STAC2: variants seen among roughly 807,000 people sequenced by gnomAD.
The protein encoded by STAC2 is SH3 and cysteine-rich domain-containing protein 2.
STAC2 carries 36 observed loss-of-function variants against 49.0 expected under a neutral mutation model. The ratio of observed to expected loss-of-function variants is 0.74; its 90% CI spans 0.56 to 0.97. The LOEUF is 0.97. Ranked by LOEUF, STAC2 falls within the 50% of genes least tolerant of loss-of-function variation. STAC2 has a pLI of 0.00. For synonymous variants in STAC2, 239 were observed against 214.7 expected (o/e 1.11, Z -0.99); for missense variants, 527 against 543.8 (o/e 0.97, Z 0.31).
chr17:39,212,233 TG>T lies in STAC2; in HGVS notation c.*58del. ...GGACAAGGGGGCCTGATCCCCTCCC[TG>T]GCCAGAAGCAAGGTCCAGGCATGGG... On this transcript the variant is annotated 3_prime_UTR_variant, in exon 11 of 11. Coordinates refer to ENST00000333461, the MANE Select transcript of STAC2 (RefSeq NM_198993.5). 2 of 1,324,916 alleles carry T rather than the reference TG, an allele frequency of 1.5e-6. No individual in the cohort carries two copies. The highest frequency in any genetic ancestry group is 1.3e-5 in the South Asian group (1 of 79,472). The allele number at this position is 1,324,916 out of a possible 1,614,324, so 82.1% of individuals were successfully genotyped here. A position where few individuals can be genotyped will look rare whatever the true frequency, so the allele number is the denominator to read the frequency against.
chr17:39,216,898 G>A lies in STAC2; in HGVS notation c.498C>T (p.Ser166=). ...AACTGAAGTTGCGGCGGAAGGAGGT[G>A]GACTATGGCAAGAGAGGGCAGAGAG... The part of the protein sequence containing the change: ...ISHQQCPGKT[S]TSFRRNFSSP... The change falls in exon 4 of 11, where the codon TCC becomes TCT. Residue 166 remains serine, a splice_region_variant and synonymous_variant. Transcript: ENST00000333461. The A allele has an allele frequency of 6.3e-7, 1 of 1,599,832 alleles. No homozygotes were observed.
At chr17:39,220,335 A>G (rs1444760069) in intron 1 of STAC2, among the ~76,000 whole-genome samples, 1 of 152,328 alleles carries the variant, frequency 6.6e-6, no homozygotes, top group East Asian at 1.9e-4. Context: ...TGTTCTGTCC[A>G]GGGACCTCAG....
chr17:39,220,588 C>G (rs1452055703), intron 1 of STAC2, among the ~76,000 whole-genome samples: 1 of 151,852 alleles, frequency 6.6e-6, no homozygotes, highest in Non-Finnish European at 1.5e-5. Flanking sequence ...GATTCTCCTG[C>G]CTCAGCCTCC....
In STAC2 at chr17:39,216,814, G is replaced by T. The variant is rs1192982818; in HGVS notation, c.582C>A (p.Pro194=). 1.9e-6 allele frequency: 3 copies of T among 1,589,562 alleles called. No individual in the cohort carries two copies. Among genetic ancestry groups the T allele is most frequent in the South Asian group, 2.3e-5 (2 of 87,150 alleles). The change falls in exon 4 of 11, where the codon CCC becomes CCA. Residue 194 remains proline (P), a synonymous_variant. Transcript: ENST00000333461. ...GCGGCCAGGGGGGGCACTCACCAGT[G>T]GGTGGGGACTCTTTGCTTGTGGCAC... ...PVCATSKESP[P]TGDSGKVDPV... is the part of the protein sequence containing the mutation.
intron 4 of STAC2, 45 bp downstream of exon 4, chr17:39,216,765 C>G: frequency 6.6e-7 from 1 of 1,522,176 alleles, no homozygotes; most frequent in Non-Finnish European, 8.9e-7. Flanking sequence ...GATTTCTCAT[C>G]CCACCACAAT....
In STAC2 at chr17:39,225,037, G is replaced by A. The variant is rs1218631530; in HGVS notation, c.90+376C>T. Among the ~76,000 whole-genome samples, 1 of 152,174 alleles carries A rather than the reference G, an allele frequency of 6.6e-6. No homozygotes were observed. Among genetic ancestry groups the A allele is most frequent in the African/African-American group, 2.4e-5 (1 of 41,448 alleles). ...CAGAGACACGAGCGAGGATAGAGGC[G>A]CGGACTGAGCCCGGGACTGGGACCC... On this transcript the variant is annotated intron_variant, in intron 1 of 10. Coordinates refer to ENST00000333461, the MANE Select transcript of STAC2 (RefSeq NM_198993.5). This position sits in a 1 kb window ranked among gnomAD's most constrained non-coding sequence, Gnocchi z 8.2.
chr17:39,212,207 TG>T lies in STAC2; in HGVS notation c.*84del. 1 of 951,550 alleles carries T rather than the reference TG, an allele frequency of 1.1e-6. No individual in the cohort carries two copies. Among genetic ancestry groups the T allele is most frequent in the Non-Finnish European group, 1.6e-6 (1 of 613,240 alleles). The allele number at this position is 951,550 out of a possible 1,614,324, so 58.9% of individuals were successfully genotyped here. ...GGACAGAGGGAGGAAGGGTATGGAG[TG>T]GACAAGGGGGCCTGATCCCCTCCCT... On this transcript the variant is annotated 3_prime_UTR_variant, in exon 11 of 11. Coordinates refer to ENST00000333461, the MANE Select transcript of STAC2 (RefSeq NM_198993.5).
In STAC2 at chr17:39,217,961, G is replaced by A; in HGVS notation, c.303C>T (p.Pro101=). Residue 101 remains proline (P), a synonymous_variant, in exon 2 of 11, where the codon CCC becomes CCT. Transcript: ENST00000333461. ...GCCTCACTGGTTTGAGCGCTGCCAG[G>A]GGGCGTGGGACTGGGCATGGGGAGG... ...PSPSPCPVPR[P]LAALKPVRLH... is the part of the protein sequence containing the mutation. 2 of 1,595,018 alleles carry A rather than the reference G, an allele frequency of 1.3e-6. No individual in the cohort carries two copies. Among genetic ancestry groups the A allele is most frequent in the Non-Finnish European group, 1.7e-6 (2 of 1,171,494 alleles).
At chr17:39,213,380 TG>T in intron 9 of STAC2, 126 bp downstream of exon 9, 1 of 1,309,428 alleles carries the variant, frequency 7.6e-7, no homozygotes, top group Non-Finnish European at 1.1e-6. Context: ...TAGTTTTGGC[TG>T]GGACCAGTGG....
At position 39,213,508 on chromosome 17, in the gene STAC2, T is replaced by C; in HGVS notation, c.992A>G (p.Lys331Arg). Residue 331 changes from lysine (K) to arginine (R), a missense_variant and splice_region_variant, in exon 9 of 11, where the codon AAG (lysine) becomes AGG (arginine). Transcript: ENST00000333461. Reference protein sequence around the residue: ...LVDDSNEDWWKGKIGDRVGFF... With the variant: ...LVDDSNEDWWRGKIGDRVGFF... ...CCACTCCCCACCCTGCCAAGTCACC[T>C]TCCACCAGTCCTCGTTAGAGTCATC... The C allele has an allele frequency of 6.2e-7, 1 of 1,613,426 alleles. No homozygotes were observed. Among genetic ancestry groups the C allele is most frequent in the Non-Finnish European group, 8.5e-7 (1 of 1,179,574 alleles).
chr17:39,223,914 A>G (rs1259575887), intron 1 of STAC2, among the ~76,000 whole-genome samples: 4 of 152,180 alleles, frequency 2.6e-5, no homozygotes, highest in Non-Finnish European at 4.4e-5. Context: ...GTCCTTTCCC[A>G]GGAGAGACTG....
chr17:39,212,361 G>C lies in STAC2; in HGVS notation c.1167C>G (p.Asp389Glu). ...CVGVGRSKDA[D>E]GFIRVSSGKK... ...TGCCACTGCTGACGCGGATGAAGCC[G>C]TCAGCATCCTTGCTTCTGCCCACGC... is the stretch of plus-strand genomic sequence containing the variant. Residue 389 changes from aspartate (D) to glutamate (E), a missense_variant, in exon 11 of 11, where the codon GAC becomes GAG. Transcript: ENST00000333461. 1.2e-6 allele frequency: 2 copies of C among 1,611,908 alleles called. No homozygotes were observed. The highest frequency in any genetic ancestry group is 1.3e-5 in the African/African-American group (1 of 75,010).
Position 39,214,943 on chromosome 17 carries a change from C to G in STAC2, c.772+8G>C. On this transcript the variant is annotated splice_region_variant and intron_variant, in intron 6 of 10. Transcript: ENST00000333461. ...CCATTCCTGCCCTTGATGCCCACCA[C>G]CACTCACCACTGTCACCAGGCCCCT... 6.2e-7 allele frequency: 1 copy of G among 1,614,068 alleles called. No homozygotes were observed. Among genetic ancestry groups the G allele is most frequent in the South Asian group, 1.1e-5 (1 of 91,078 alleles).
chr17:39,221,407 A>G (rs926221020), intron 1 of STAC2, among the ~76,000 whole-genome samples: 3 of 152,160 alleles, frequency 2.0e-5, no homozygotes, highest in Non-Finnish European at 4.4e-5. Flanking sequence ...CCAAGACTGG[A>G]CACTCTCTAA....
intron 1 of STAC2, among the ~76,000 whole-genome samples, 193 bp from the exon 2 acceptor site, chr17:39,218,366 T>C (rs1273805595): frequency 6.6e-6 from 1 of 152,030 alleles, no homozygotes; most frequent in African/African-American, 2.4e-5. Flanking sequence ...CAATCTCAGG[T>C]GCCACAAAAG....
chr17:39,214,170 CTG>C, intron 8 of STAC2, 61 bp downstream of exon 8: 6 of 1,580,126 alleles, frequency 3.8e-6, no homozygotes, highest in Non-Finnish European at 5.2e-6. Flanking sequence ...CCCCCTCACA[CTG>C]TGTTTCAAGG....
At chr17:39,220,684 T>G (rs1025258108) in intron 1 of STAC2, among the ~76,000 whole-genome samples, 9 of 151,838 alleles carry the variant, frequency 5.9e-5, no homozygotes, top group South Asian at 4.2e-4. Flanking sequence ...GTGTTAGCCA[T>G]GATGGTCTTG....
Position 39,225,398 on chromosome 17 carries a change from C to A in STAC2, c.90+15G>T, listed in dbSNP as rs777534221. 3 of 1,592,962 alleles carry A rather than the reference C, an allele frequency of 1.9e-6. No homozygotes were observed. The highest frequency in any genetic ancestry group is 2.3e-5 in the East Asian group (1 of 43,174). On this transcript the variant is annotated intron_variant, in intron 1 of 10. Coordinates refer to ENST00000333461, the MANE Select transcript of STAC2 (RefSeq NM_198993.5). The surrounding 1 kb of genome is among the most constrained non-coding windows in gnomAD (Gnocchi z 8.2). ...GGGCCCGGGGCGCGGACAGGCCTTGCGCCCCCCAAGTTACCTTGGTTTCCT... is the reference window on the plus strand; with the variant it reads ...GGGCCCGGGGCGCGGACAGGCCTTGAGCCCCCCAAGTTACCTTGGTTTCCT...
intron 9 of STAC2, 87 bp from the exon 10 acceptor site, chr17:39,213,219 G>A (rs2046370861): frequency 6.4e-7 from 1 of 1,563,936 alleles, no homozygotes; most frequent in Non-Finnish European, 8.6e-7. Context: ...TTCCCACTCA[G>A]CACCAATGCC....
Sources: gnomAD v4.1 joint callset for allele counts (sites outside exome capture counted in the v4.1 genomes callset) on GRCh38, gnomAD v4.1.1 for gene constraint, Gnocchi (gnomAD v3.1) non-coding constraint, MANE v1.5 for transcripts, NCBI Gene and HGNC (gene_info 2026-07-23, HGNC 2026-07-21) for gene names.